Variants in ALPK1 observed in about 807,000 individuals in gnomAD.
The protein encoded by ALPK1 is alpha-protein kinase 1.
ALPK1 carries 110 observed loss-of-function variants against 120.6 expected under a neutral mutation model. The observed-to-expected ratio is 0.91, with a 90% CI of 0.78 to 1.07. ALPK1 has a LOEUF of 1.07. ALPK1 is among the 50% of genes least tolerant of loss of function. The pLI is 0.00. For synonymous variants in ALPK1, 582 were observed against 560.3 expected (o/e 1.04, Z -0.55); for missense variants, 1,498 against 1,483.9 (o/e 1.01, Z -0.16).
chr4:112,303,234 G>C (rs1578442941), intron 1 of ALPK1, among the ~76,000 whole-genome samples: 1 of 151,802 alleles, frequency 6.6e-6, no homozygotes, highest in Non-Finnish European at 1.5e-5. Flanking sequence ...TATATTAAAG[G>C]CCCTGCCATT....
At chr4:112,344,465 A>T (rs1337394699) in intron 2 of ALPK1, among the ~76,000 whole-genome samples, 2 of 152,240 alleles carry the variant, frequency 1.3e-5, no homozygotes, top group African/African-American at 4.8e-5. Flanking sequence ...CTAGGTAGAA[A>T]TTGATTCATC....
chr4:112,419,655 C>T (rs1733902495), intron 5 of ALPK1, among the ~76,000 whole-genome samples: 1 of 152,146 alleles, frequency 6.6e-6, no homozygotes, highest in Admixed American at 6.5e-5. Flanking sequence ...CTATATGTTC[C>T]ATCCTCTGAT....
At chr4:112,382,829 G>A (rs1731987316) in intron 4 of ALPK1, 1 of 349,260 alleles carries the variant, frequency 2.9e-6, no homozygotes, top group Non-Finnish European at 5.3e-6. Flanking sequence ...ATCCTTGGTG[G>A]GCCAAAGAAG....
chr4:112,322,367 C>T lies in ALPK1; in HGVS notation c.-101+6515C>T, dbSNP rs181339998. ...TTTAGAGATGACAAAAGGCATCTTA[C>T]CTTCTTTGAACACTACAGATATCCC... On this transcript the variant is annotated intron_variant, in intron 2 of 15. Transcript: ENST00000650871. 2.1e-3 allele frequency among the ~76,000 whole-genome samples: 313 copies of T among 152,286 alleles called. 3 individuals carry two copies. The highest frequency in any genetic ancestry group is 0.011 in the Admixed American group (161 of 15,304).
At chr4:112,369,629 GCCGAGAT>G (rs1731313477) in intron 2 of ALPK1, among the ~76,000 whole-genome samples, 1 of 152,132 alleles carries the variant, frequency 6.6e-6, no homozygotes, top group Non-Finnish European at 1.5e-5. Context: ...GTTGCAGTGA[GCCGAGAT>G]TGCACCACTC....
chr4:112,349,551 G>GCCCGC (rs1730244738), intron 2 of ALPK1, among the ~76,000 whole-genome samples: 2 of 103,714 alleles, frequency 1.9e-5, no homozygotes, highest in African/African-American at 8.1e-5. Flanking sequence ...CCCAACCCCT[G>GCCCGC]CCCCCCCCCG....
chr4:112,310,553 T>C lies in ALPK1; in HGVS notation c.-152-5248T>C, dbSNP rs184380282. 1.9e-4 allele frequency among the ~76,000 whole-genome samples: 29 copies of C among 152,236 alleles called. No individual in the cohort carries two copies. In the East Asian group the frequency reaches 5.4e-3, roughly 28 times the overall value. On this transcript the variant is annotated intron_variant, in intron 1 of 15. Transcript: ENST00000650871. ...TTTAAAAACAAGACTTTACTATCTA[T>C]TCAAAATGACACCTGATCTAGGTTA...
chr4:112,326,762 C>T (rs2148698154), intron 2 of ALPK1, among the ~76,000 whole-genome samples: 1 of 152,264 alleles, frequency 6.6e-6, no homozygotes, highest in South Asian at 2.1e-4. Context: ...GGCCTTAGCC[C>T]CTATGTGTAC....
chr4:112,377,680 ACTTCGGC>A lies in ALPK1; in HGVS notation c.-93_-87del. On this transcript the variant is annotated 5_prime_UTR_variant, in exon 3 of 16. The change creates a premature stop within an existing upstream ORF in the 5' untranslated region. Coordinates refer to ENST00000650871, the MANE Select transcript of ALPK1 (RefSeq NM_025144.4). ...TTTCCCTCTCTTTTGTTCACCAGGT[ACTTCGGC>A]CTTCAAGGGGCTCCTTTATTGAGAA... 1 of 1,162,506 alleles carries A rather than the reference ACTTCGGC, an allele frequency of 8.6e-7. No individual in the cohort carries two copies. The allele number at this position is 1,162,506 out of a possible 1,614,324, so 72.0% of individuals were successfully genotyped here.
chr4:112,330,025 A>C (rs575725462), intron 2 of ALPK1, among the ~76,000 whole-genome samples: 1 of 152,358 alleles, frequency 6.6e-6, no homozygotes, highest in Non-Finnish European at 1.5e-5. Context: ...ATGTACCAAA[A>C]TCCAATGTAA....
intron 1 of ALPK1, among the ~76,000 whole-genome samples, chr4:112,305,661 G>T (rs1480140951): frequency 6.6e-6 from 1 of 151,958 alleles, no homozygotes; most frequent in Non-Finnish European, 1.5e-5. Context: ...GAGACGATGG[G>T]GTTTTCCAGA....
intron 4 of ALPK1, among the ~76,000 whole-genome samples, chr4:112,400,173 G>A (rs971937359): frequency 6.6e-6 from 1 of 152,130 alleles, no homozygotes; most frequent in African/African-American, 2.4e-5. Context: ...TCTTAAGGTG[G>A]ATGCTATTAC....
chr4:112,379,677 C>T (rs1731819976), intron 3 of ALPK1, among the ~76,000 whole-genome samples: 1 of 152,228 alleles, frequency 6.6e-6, no homozygotes, highest in Non-Finnish European at 1.5e-5. Context: ...AGCCAGCAGA[C>T]CCTGCAACAC....
At chr4:112,374,990 A>G (rs1482295673) in intron 2 of ALPK1, among the ~76,000 whole-genome samples, 4 of 152,126 alleles carry the variant, frequency 2.6e-5, no homozygotes, top group Admixed American at 6.5e-5. Context: ...ACTGGCTTCA[A>G]AGTAAAGCCA....
chr4:112,410,574 T>G (rs1250174870), intron 4 of ALPK1, among the ~76,000 whole-genome samples: 1 of 152,216 alleles, frequency 6.6e-6, no homozygotes, highest in Non-Finnish European at 1.5e-5. Flanking sequence ...CAATGCTTTC[T>G]AGGCTTCATG....
intron 2 of ALPK1, among the ~76,000 whole-genome samples, chr4:112,364,802 C>T (rs1269662805): frequency 1.4e-4 from 21 of 152,064 alleles, no homozygotes; most frequent in Admixed American, 1.3e-3. Context: ...ATGCAAAAAT[C>T]CTCAACAAAA....
In ALPK1 at chr4:112,382,498, A is replaced by C; in HGVS notation, c.222A>C (p.Pro74=). ...EKWQYKQAVG[P]EDKTNLKDVI... is the part of the protein sequence containing the mutation. ...GGCAGTACAAACAAGCCGTGGGCCC[A>C]GAGGACAAAACAAACCTGAAGGATG... The change falls in exon 4 of 16, where the codon CCA becomes CCC. Residue 74 remains proline, a synonymous_variant. Coordinates refer to ENST00000650871, the MANE Select transcript of ALPK1 (RefSeq NM_025144.4). 6.2e-7 allele frequency: 1 copy of C among 1,614,140 alleles called. No individual in the cohort carries two copies. The highest frequency in any genetic ancestry group is 8.5e-7 in the Non-Finnish European group (1 of 1,179,990).
At chr4:112,302,658 T>C (rs1183627299) in intron 1 of ALPK1, among the ~76,000 whole-genome samples, 1 of 152,208 alleles carries the variant, frequency 6.6e-6, no homozygotes, top group Non-Finnish European at 1.5e-5. Context: ...CTTTTTCCTC[T>C]TTCAGGAGGA....
chr4:112,393,575 A>G (rs1038575826), intron 4 of ALPK1, among the ~76,000 whole-genome samples: 3 of 152,168 alleles, frequency 2.0e-5, no homozygotes, highest in Admixed American at 6.5e-5. Flanking sequence ...ATTGCTTACC[A>G]TTATAATAAA....
Sources: gnomAD v4.1 joint callset for allele counts (sites outside exome capture counted in the v4.1 genomes callset) on GRCh38, gnomAD v4.1.1 for gene constraint, MANE v1.5 for transcripts, NCBI Gene and HGNC (gene_info 2026-07-23, HGNC 2026-07-21) for gene names.